RBFOX1: variants seen among roughly 807,000 people sequenced by gnomAD.
RBFOX1 encodes RNA binding protein fox-1 homolog 1.
Under a neutral mutation model 57.7 loss-of-function variants are expected in RBFOX1, and 8 were observed. The observed-to-expected ratio is 0.14, with a 90% CI of 0.08 to 0.25. RBFOX1 has a LOEUF of 0.25. RBFOX1 is among the 10% of genes least tolerant of loss of function. RBFOX1 has a pLI of 1.00. For missense variants in RBFOX1, 611 were observed against 548.5 expected, an observed-to-expected ratio of 1.11 and a Z score of -1.14; for synonymous variants, 326 against 222.4, an observed-to-expected ratio of 1.47 and a Z score of -4.15.
intron 3 of RBFOX1, among the ~76,000 whole-genome samples, chr16:6,795,625 G>A (rs1202949377): frequency 2.0e-5 from 3 of 151,998 alleles, no homozygotes; most frequent in Non-Finnish European, 2.9e-5. Context: ...AATTAGCCTG[G>A]CATGGTTGGG....
intron 3 of RBFOX1, among the ~76,000 whole-genome samples, chr16:6,967,861 A>T (rs1330205320): frequency 6.6e-6 from 1 of 152,146 alleles, no homozygotes; most frequent in Non-Finnish European, 1.5e-5. Flanking sequence ...CTTCCTGAAG[A>T]ATTGGGTTGT....
At chr16:6,660,511 G>A (rs2098694547) in intron 3 of RBFOX1, among the ~76,000 whole-genome samples, 1 of 152,170 alleles carries the variant, frequency 6.6e-6, no homozygotes, top group Non-Finnish European at 1.5e-5. Flanking sequence ...TGAGCTCAGA[G>A]ATTCTTACTC....
rs530488807 is a variant in RBFOX1, at chr16:7,668,693, AAGAT to A, written c.930+3732_930+3735del. On this transcript the variant is annotated intron_variant, in intron 13 of 15. Transcript: ENST00000550418. ...ACACACACACACACTTTTGTATAAA[AAGAT>A]AGATAGGAATTTAATTTTCATAATG... is the stretch of plus-strand genomic sequence containing the variant. Among the ~76,000 whole-genome samples, 63 of 152,280 alleles carry A rather than the reference AAGAT, an allele frequency of 4.1e-4. 1 individual carries two copies. The highest frequency in any genetic ancestry group is 3.4e-3 in the Middle Eastern group (1 of 294).
At chr16:6,906,432 C>G (rs139410013) in intron 3 of RBFOX1, among the ~76,000 whole-genome samples, 6 of 151,964 alleles carry the variant, frequency 3.9e-5, no homozygotes, top group Non-Finnish European at 7.4e-5. Context: ...GGAAAATAGC[C>G]TCTGGCCTGT....
intron 1 of RBFOX1, among the ~76,000 whole-genome samples, chr16:6,261,862 A>AACAAG (rs1448719764): frequency 6.6e-6 from 1 of 151,490 alleles, no homozygotes; most frequent in Non-Finnish European, 1.5e-5. Flanking sequence ...AACAAAACAA[A>AACAAG]AACAAAAACA....
At chr16:6,785,668 A>G (rs2081833356) in intron 3 of RBFOX1, among the ~76,000 whole-genome samples, 4 of 152,178 alleles carry the variant, frequency 2.6e-5, no homozygotes, top group South Asian at 2.1e-4. Context: ...TCCACGTTCC[A>G]TGTACCATGT....
chr16:6,509,704 G>A (rs1440736236), intron 2 of RBFOX1, among the ~76,000 whole-genome samples: 1 of 152,158 alleles, frequency 6.6e-6, no homozygotes, highest in Non-Finnish European at 1.5e-5. Flanking sequence ...ATTGTTTGCA[G>A]CACAAAAGAT....
At chr16:7,644,594 A>C (rs375643383) in intron 11 of RBFOX1, among the ~76,000 whole-genome samples, 1 of 152,168 alleles carries the variant, frequency 6.6e-6, no homozygotes, top group South Asian at 2.1e-4. Flanking sequence ...CTGTAGGACT[A>C]TGGCATTCCG....
intron 2 of RBFOX1, among the ~76,000 whole-genome samples, chr16:6,633,105 C>A (rs899626490): frequency 3.9e-5 from 6 of 152,254 alleles, no homozygotes; most frequent in Admixed American, 3.9e-4. Context: ...AAGAAAGTTG[C>A]AGCGATTGTG....
intron 3 of RBFOX1, among the ~76,000 whole-genome samples, chr16:6,688,812 G>A (rs554713402): frequency 2.0e-5 from 3 of 152,020 alleles, no homozygotes; most frequent in African/African-American, 7.2e-5. Flanking sequence ...GACAGGCCCT[G>A]GTGTGTGATG....
At chr16:6,829,662 C>T (rs1252566113) in intron 3 of RBFOX1, among the ~76,000 whole-genome samples, 1 of 152,070 alleles carries the variant, frequency 6.6e-6, no homozygotes, top group Non-Finnish European at 1.5e-5. Context: ...AGTGCAGGGG[C>T]GTGATCTTGG....
chr16:7,358,857 G>C (rs1423055137), intron 4 of RBFOX1, among the ~76,000 whole-genome samples: 2 of 152,348 alleles, frequency 1.3e-5, no homozygotes, highest in East Asian at 1.9e-4. Flanking sequence ...TAATACGAGA[G>C]AAGTAACTTT....
chr16:6,498,750 A>G (rs1299128196), intron 2 of RBFOX1, among the ~76,000 whole-genome samples: 2 of 152,202 alleles, frequency 1.3e-5, no homozygotes, highest in Non-Finnish European at 2.9e-5. Context: ...TAATAATTAT[A>G]TCTATAATAA....
chr16:7,446,667 G>C (rs1165414177), intron 4 of RBFOX1, among the ~76,000 whole-genome samples: 2 of 152,030 alleles, frequency 1.3e-5, no homozygotes, highest in African/African-American at 4.8e-5. Flanking sequence ...AGCAGCCTCA[G>C]TAACTCCCTG....
intron 2 of RBFOX1, among the ~76,000 whole-genome samples, chr16:6,538,851 G>T (rs11077043): frequency 6.6e-6 from 1 of 151,898 alleles, no homozygotes; most frequent in Non-Finnish European, 1.5e-5. Flanking sequence ...ATGTAAAATG[G>T]TGCCAAACTT....
intron 4 of RBFOX1, among the ~76,000 whole-genome samples, chr16:7,512,128 G>A (rs559750698): frequency 4.1e-4 from 62 of 152,222 alleles, no homozygotes; most frequent in East Asian, 1.7e-3. Context: ...GTTTGGCATT[G>A]GAGTAGAAGA....
intron 3 of RBFOX1, among the ~76,000 whole-genome samples, chr16:5,775,578 A>G (rs9923553): frequency 0.25 from 38,665 of 152,144 alleles, 5,763 homozygotes; most frequent in East Asian, 0.55. Flanking sequence ...AGGTGTCTCA[A>G]TGCTCAGGTG....
intron 3 of RBFOX1, among the ~76,000 whole-genome samples, chr16:5,749,583 C>G (rs1481261268): frequency 6.6e-6 from 1 of 152,070 alleles, no homozygotes; most frequent in East Asian, 1.9e-4. Context: ...TCTTTTTTCT[C>G]TAAACTTCTC....
chr16:6,536,489 T>C (rs1190688379), intron 2 of RBFOX1, among the ~76,000 whole-genome samples: 1 of 152,150 alleles, frequency 6.6e-6, no homozygotes, highest in East Asian at 1.9e-4. Context: ...ATCAGAGTAA[T>C]GTGGCTTTGA....
Sources: gnomAD v4.1 joint callset for allele counts (sites outside exome capture counted in the v4.1 genomes callset) on GRCh38, gnomAD v4.1.1 for gene constraint, MANE v1.5 for transcripts, NCBI Gene and HGNC (gene_info 2026-07-23, HGNC 2026-07-21) for gene names.